HERC3: variants seen among roughly 807,000 people sequenced by gnomAD.
HERC3 encodes probable E3 ubiquitin-protein ligase HERC3.
Under a neutral mutation model 129.9 loss-of-function variants are expected in HERC3, and 58 were observed. The observed-to-expected ratio is 0.45, with a 90% confidence interval of 0.36 to 0.56. HERC3 has a LOEUF of 0.56. Among genes scored for constraint, HERC3 ranks in the 20% least tolerant of loss-of-function variants. HERC3 has a pLI of 0.00. For synonymous variants in HERC3, 430 were observed against 451.0 expected (o/e 0.95, Z 0.59); for missense variants, 835 against 1,244.2 (o/e 0.67, Z 4.95).
At chr4:88,556,758 T>TA in the HERC3 span, among the ~76,000 whole-genome samples, 1 of 151,904 alleles carries the variant, frequency 6.6e-6, no homozygotes, top group African/African-American at 2.4e-5. Context: ...GGTGGTGTCC[T>TA]ACAGCTTTCA....
At chr4:88,670,053 G>T in intron 15 of HERC3, 30 bp downstream of exon 15, 1 of 1,609,286 alleles carries the variant, frequency 6.2e-7, no homozygotes, top group Non-Finnish European at 8.5e-7. Context: ...GTGGGGAGGG[G>T]GTGATTAGAT....
At chr4:88,652,782 A>C in intron 5 of HERC3, 87 bp from the exon 6 acceptor site, 1 of 1,378,380 alleles carries the variant, frequency 7.3e-7, no homozygotes, top group Non-Finnish European at 9.8e-7. Flanking sequence ...TTGGGGGGCA[A>C]CTGGCAAATG....
intron 23 of HERC3, among the ~76,000 whole-genome samples, chr4:88,693,998 T>G (rs776547722): frequency 2.6e-5 from 4 of 152,204 alleles, no homozygotes; most frequent in Non-Finnish European, 5.9e-5. Flanking sequence ...ATATAAAGAT[T>G]AGCCCAGTTA....
chr4:88,687,922 A>G (rs1340708535), intron 23 of HERC3, among the ~76,000 whole-genome samples: 1 of 152,184 alleles, frequency 6.6e-6, no homozygotes, highest in African/African-American at 2.4e-5. Context: ...GCTTACTTTT[A>G]TATTAAATTA....
At position 88,649,831 on chromosome 4, in the gene HERC3, C is replaced by T. The variant is rs1033870433; in HGVS notation, c.227-9C>T. On this transcript the variant is annotated splice_polypyrimidine_tract_variant and intron_variant, in intron 3 of 25. Transcript: ENST00000402738. ...TGTACATTTTCCTCCTCCAATTTGT[C>T]TCTTTCAGAACAAATTGGAGCTCTG... 1.9e-6 allele frequency: 3 copies of T among 1,611,242 alleles called. No individual in the cohort carries two copies. The highest frequency in any genetic ancestry group is 2.7e-5 in the African/African-American group (2 of 74,858).
At chr4:88,620,359 T>C (rs968780974) in intron 3 of HERC3, among the ~76,000 whole-genome samples, 2 of 152,218 alleles carry the variant, frequency 1.3e-5, no homozygotes, top group Non-Finnish European at 2.9e-5. Context: ...AACACTGTTT[T>C]TTCTCCCTTA....
chr4:88,663,216 G>T (rs1408149393), intron 11 of HERC3, among the ~76,000 whole-genome samples: 1 of 152,144 alleles, frequency 6.6e-6, no homozygotes, highest in Non-Finnish European at 1.5e-5. Context: ...TTATGACATA[G>T]ATTGTAGTGG....
At chr4:88,578,603 TCAG>T in the HERC3 span, among the ~76,000 whole-genome samples, 1 of 148,486 alleles carries the variant, frequency 6.7e-6, no homozygotes, top group Non-Finnish European at 1.5e-5. Context: ...AAAGAAATAG[TCAG>T]AATCTTCAAG....
chr4:88,610,435 C>A (rs1375775702), intron 3 of HERC3, among the ~76,000 whole-genome samples: 11 of 130,866 alleles, frequency 8.4e-5, no homozygotes, highest in Non-Finnish European at 1.4e-4. Context: ...GCCTGGGGGA[C>A]AGAGCGAGAC....
At chr4:88,647,981 C>A (rs1023706385) in intron 3 of HERC3, among the ~76,000 whole-genome samples, 1 of 152,044 alleles carries the variant, frequency 6.6e-6, no homozygotes, top group East Asian at 1.9e-4. Flanking sequence ...AGACACTCAT[C>A]CTTCCCCAAA....
chr4:88,546,578 T>C, the HERC3 span, among the ~76,000 whole-genome samples: 1 of 144,996 alleles, frequency 6.9e-6, no homozygotes, highest in Non-Finnish European at 1.5e-5. Context: ...GGTGCGATCA[T>C]GGCTCACTGC....
chr4:88,527,830 C>A, the HERC3 span: 1 of 326,754 alleles, frequency 3.1e-6, no homozygotes, highest in Non-Finnish European at 6.0e-6. Flanking sequence ...TGTTTACGAA[C>A]GGAAGCTGAA....
At chr4:88,681,792 C>T (rs1732810535) in intron 21 of HERC3, among the ~76,000 whole-genome samples, 2 of 152,166 alleles carry the variant, frequency 1.3e-5, no homozygotes, top group Non-Finnish European at 1.5e-5. Context: ...ACTGGGATAT[C>T]CATCACCTTA....
At chr4:88,668,103 T>C (rs751736205) in intron 14 of HERC3, 22 bp downstream of exon 14, 1 of 1,589,344 alleles carries the variant, frequency 6.3e-7, no homozygotes, top group East Asian at 2.2e-5. Context: ...AACCTCGATA[T>C]CAGTGGTTTT....
chr4:88,621,520 A>G lies in HERC3; in HGVS notation c.226+15471A>G, dbSNP rs570125343. ...ACAAATAAAATCAAGCCCAAACTCT[A>G]TTTTATAGAATTATTTTCCTTTAAT... On this transcript the variant is annotated intron_variant, in intron 3 of 25. Coordinates refer to ENST00000402738, the MANE Select transcript of HERC3 (RefSeq NM_014606.3). 5.3e-5 allele frequency among the ~76,000 whole-genome samples: 8 copies of G among 152,288 alleles called. No homozygotes were observed. In the East Asian group the frequency reaches 1.5e-3, roughly 29 times the overall value.
At chr4:88,685,452 A>G (rs1056405378) in intron 21 of HERC3, among the ~76,000 whole-genome samples, 2 of 152,232 alleles carry the variant, frequency 1.3e-5, no homozygotes, top group Non-Finnish European at 2.9e-5. Flanking sequence ...TTGCAGGGAC[A>G]TGGATGAAGC....
At chr4:88,634,494 G>A (rs961996194) in intron 3 of HERC3, among the ~76,000 whole-genome samples, 1 of 152,096 alleles carries the variant, frequency 6.6e-6, no homozygotes, top group African/African-American at 2.4e-5. Context: ...ATCTCCCTAG[G>A]CCTGAACCCC....
chr4:88,545,520 C>T, the HERC3 span, among the ~76,000 whole-genome samples: 20 of 150,736 alleles, frequency 1.3e-4, no homozygotes, highest in Non-Finnish European at 2.7e-4. Context: ...GCAGCCTCAC[C>T]CTCTTGGACT....
At chr4:88,587,137 G>A in the HERC3 span, among the ~76,000 whole-genome samples, 4 of 152,160 alleles carry the variant, frequency 2.6e-5, no homozygotes, top group Non-Finnish European at 4.4e-5. Flanking sequence ...TCAACAGAAA[G>A]TTAAATACCA....
Sources: allele counts gnomAD v4.1 joint callset (sites outside exome capture counted in the v4.1 genomes callset), GRCh38; gene constraint gnomAD v4.1.1; transcripts MANE v1.5; gene names NCBI Gene and HGNC (gene_info 2026-07-23, HGNC 2026-07-21).